Variants in RMND5A observed in about 807,000 individuals in gnomAD.
RMND5A encodes the protein required for meiotic nuclear division 5 homolog A.
In RMND5A, 17 loss-of-function variants were observed where a neutral mutation model predicts 49.7. The ratio of observed to expected loss-of-function variants is 0.34; its 90% CI spans 0.23 to 0.51. The LOEUF is 0.51. Ranked by LOEUF, RMND5A falls within the 20% of genes least tolerant of loss-of-function variation. The pLI is 0.96. For synonymous variants in RMND5A, 156 were observed against 167.7 expected, an observed-to-expected ratio of 0.93 and a Z score of 0.54; for missense variants, 255 against 471.3, an observed-to-expected ratio of 0.54 and a Z score of 4.25.
rs1672729071 is a variant in RMND5A at position 86,774,239 on chromosome 2, T to C, written c.*828T>C. On this transcript the variant is annotated 3_prime_UTR_variant, in exon 9 of 9. Transcript: ENST00000283632. ...TAAGTTGATATTTACTCTCTTGGTC[T>C]TGGTAGCCCTATTATATCATTGCAG... The C allele has an allele frequency of 6.5e-6, 1 of 152,678 alleles. No homozygotes were observed. Among genetic ancestry groups the C allele is most frequent in the South Asian group, 2.1e-4 (1 of 4,828 alleles). The allele number at this position is 152,678 out of a possible 1,614,324, so 9.5% of individuals were successfully genotyped here.
At chr2:86,773,265 A>G in intron 8 of RMND5A, 83 bp from the exon 9 acceptor site, 1 of 731,030 alleles carries the variant, frequency 1.4e-6, no homozygotes, top group South Asian at 1.8e-5. Flanking sequence ...TATAATTGTT[A>G]AAGATACTCT....
intron 5 of RMND5A, 65 bp downstream of exon 5, chr2:86,765,258 A>C: frequency 7.3e-7 from 1 of 1,362,828 alleles, no homozygotes; most frequent in Non-Finnish European, 1.0e-6. Context: ...GTAACTTAAC[A>C]GTTCTTAACT....
chr2:86,769,244 C>G (rs1161927083), intron 6 of RMND5A, among the ~76,000 whole-genome samples: 1 of 152,206 alleles, frequency 6.6e-6, no homozygotes, highest in Non-Finnish European at 1.5e-5. Context: ...CCACCATCTG[C>G]TGTTATTAAA....
chr2:86,756,467 TTC>T (rs1205939605), intron 4 of RMND5A, among the ~76,000 whole-genome samples: 1 of 152,216 alleles, frequency 6.6e-6, no homozygotes, highest in East Asian at 1.9e-4. Context: ...ACCCAGTGTT[TTC>T]TCTGTGTATT....
intron 4 of RMND5A, among the ~76,000 whole-genome samples, chr2:86,759,663 G>T (rs769202985): frequency 7.1e-6 from 1 of 140,056 alleles, no homozygotes; most frequent in Non-Finnish European, 1.6e-5. Context: ...TGCCAGGCGC[G>T]GTGGTGAGCA....
intron 2 of RMND5A, 84 bp from the exon 3 acceptor site, chr2:86,751,812 A>C (rs1034904411): frequency 1.2e-5 from 16 of 1,370,888 alleles, no homozygotes; most frequent in Non-Finnish European, 6.0e-6. Flanking sequence ...GGGGTATCTC[A>C]GACTGAAACA....
At chr2:86,752,778 C>T (rs75890700) in intron 3 of RMND5A, among the ~76,000 whole-genome samples, 4,961 of 152,302 alleles carry the variant, frequency 0.033, 285 homozygotes, top group African/African-American at 0.11. Context: ...TGTTTGGAAA[C>T]ATGAAGGACC....
chr2:86,727,604 G>A lies in RMND5A; in HGVS notation c.142+6795G>A, dbSNP rs1383391400. ...TAAAACTAACTTATTTTTATTTAGG[G>A]CCCTGCTTCTTCATCTGTAAGGCTT... On this transcript the variant is annotated intron_variant, in intron 1 of 8. Transcript: ENST00000283632. Among the ~76,000 whole-genome samples, 10 of 73,410 alleles carry A rather than the reference G, an allele frequency of 1.4e-4. 5 individuals carry two copies. The highest frequency in any genetic ancestry group is 4.8e-4 in the African/African-American group (10 of 20,772). 48.2% of individuals were successfully genotyped at this position (73,410 alleles called of 152,430 possible).
intron 2 of RMND5A, among the ~76,000 whole-genome samples, chr2:86,743,553 C>T (rs1015906553): frequency 6.6e-6 from 1 of 152,006 alleles, no homozygotes; most frequent in African/African-American, 2.4e-5. Flanking sequence ...CAAACTCTGC[C>T]TCCCAGGTTC....
rs376429471 is a variant in RMND5A, at chr2:86,765,944, G to A, written c.774G>A (p.Gln258=). Residue 258 remains glutamine, a synonymous_variant, in exon 6 of 9, where the codon CAG becomes CAA. Transcript: ENST00000283632. The part of the protein sequence containing the change: ...SPYVHLLDAN[Q]WADICDIFTR... ...ATGTTCACCTACTTGATGCAAACCA[G>A]TGGGCTGATATCTGTGACATCTTTA... 3.1e-6 allele frequency: 5 copies of A among 1,614,078 alleles called. No homozygotes were observed. The highest frequency in any genetic ancestry group is 4.2e-6 in the Non-Finnish European group (5 of 1,180,044).
intron 4 of RMND5A, among the ~76,000 whole-genome samples, chr2:86,758,697 C>T (rs540021107): frequency 6.6e-6 from 1 of 152,320 alleles, no homozygotes; most frequent in Admixed American, 6.5e-5. Flanking sequence ...GAGACTCACA[C>T]CAACTCTGAG....
chr2:86,744,729 T>TG (rs5832689), intron 2 of RMND5A, among the ~76,000 whole-genome samples: 100,898 of 151,946 alleles, frequency 0.66, 33,696 homozygotes, highest in East Asian at 0.91. Flanking sequence ...TTGCCTAGGC[T>TG]GGAGTGCAGT....
At position 86,752,047 on chromosome 2, in the gene RMND5A, T is replaced by G; in HGVS notation, c.420+17T>G. The G allele has an allele frequency of 6.2e-7, 1 of 1,611,952 alleles. No individual in the cohort carries two copies. The highest frequency in any genetic ancestry group is 8.5e-7 in the Non-Finnish European group (1 of 1,178,948). Reference sequence around the variant, plus strand: ...CTCTGTCAGGTAACAGTGTGCCAACTGGGAGGATATGAAAAAGAAACAAGG... The same window carrying G: ...CTCTGTCAGGTAACAGTGTGCCAACGGGGAGGATATGAAAAAGAAACAAGG... On this transcript the variant is annotated intron_variant, in intron 3 of 8. Transcript: ENST00000283632.
intron 4 of RMND5A, among the ~76,000 whole-genome samples, chr2:86,757,318 G>A (rs997560284): frequency 6.6e-6 from 1 of 152,056 alleles, no homozygotes; most frequent in African/African-American, 2.4e-5. Flanking sequence ...GCCTGCTCCT[G>A]TGTTCCGTGC....
chr2:86,751,835 T>C (rs1681638801), intron 2 of RMND5A, 61 bp from the exon 3 acceptor site: 1 of 1,529,458 alleles, frequency 6.5e-7, no homozygotes, highest in Non-Finnish European at 8.9e-7. Context: ...GACCATTTTT[T>C]TCCTGTTAAG....
chr2:86,720,587 C>T lies in RMND5A; in HGVS notation c.-81C>T. ...CGCCGCCCGCTTGGGGAACGAGGAGCAGGACGCGGCCTCGGTGGGGCCCGG... is the reference window on the plus strand; with the variant it reads ...CGCCGCCCGCTTGGGGAACGAGGAGTAGGACGCGGCCTCGGTGGGGCCCGG... On this transcript the variant is annotated 5_prime_UTR_variant, in exon 1 of 9. Transcript: ENST00000283632. 4.8e-6 allele frequency: 6 copies of T among 1,246,784 alleles called. No individual in the cohort carries two copies. Among genetic ancestry groups the T allele is most frequent in the Non-Finnish European group, 6.2e-6 (6 of 974,656 alleles). 77.2% of individuals were successfully genotyped at this position (1,246,784 alleles called of 1,614,324 possible).
chr2:86,751,116 C>T (rs756119510), intron 2 of RMND5A, among the ~76,000 whole-genome samples: 9 of 152,042 alleles, frequency 5.9e-5, no homozygotes, highest in Non-Finnish European at 1.2e-4. Context: ...TATTATAGTA[C>T]TCTGGGTCTT....
intron 4 of RMND5A, among the ~76,000 whole-genome samples, chr2:86,759,621 C>T (rs983842232): frequency 7.6e-6 from 1 of 131,864 alleles, no homozygotes; most frequent in African/African-American, 2.6e-5. Flanking sequence ...TGCCCCCCCG[C>T]CCCCCACCAT....
At chr2:86,754,737 T>G (rs1025665215) in intron 4 of RMND5A, among the ~76,000 whole-genome samples, 1 of 152,078 alleles carries the variant, frequency 6.6e-6, no homozygotes, top group African/African-American at 2.4e-5. Context: ...AAAAAATTTT[T>G]TTTTGTAGAG....
Sources: allele counts gnomAD v4.1 joint callset (sites outside exome capture counted in the v4.1 genomes callset), GRCh38; gene constraint gnomAD v4.1.1; transcripts MANE v1.5; gene names NCBI Gene and HGNC (gene_info 2026-07-23, HGNC 2026-07-21).